The following PCDH15 variants were observed in gnomAD, a reference collection of about 807,000 sequenced individuals.
PCDH15 encodes protocadherin related 15, also known as protocadherin-15.
In PCDH15, 129 loss-of-function variants were observed where a neutral mutation model predicts 178.5. The observed-to-expected ratio is 0.72, with a 90% CI of 0.63 to 0.84. The LOEUF is 0.84. Among genes scored for constraint, PCDH15 ranks in the 40% least tolerant of loss-of-function variants. PCDH15 has a pLI of 0.00. For synonymous variants in PCDH15, 800 were observed against 732.0 expected (o/e 1.09, Z -1.50); for missense variants, 2,230 against 2,099.9 (o/e 1.06, Z -1.21).
intron 2 of PCDH15, among the ~76,000 whole-genome samples, chr10:55,346,518 G>A (rs1844758159): frequency 6.6e-6 from 1 of 152,004 alleles, no homozygotes. Context: ...ACCTCCTTTA[G>A]ATACATAAAT....
intron 3 of PCDH15, among the ~76,000 whole-genome samples, chr10:54,515,417 A>G (rs1324308864): frequency 6.6e-6 from 1 of 152,206 alleles, no homozygotes; most frequent in East Asian, 1.9e-4. Context: ...GGCGGCAGAC[A>G]GGCTGGGGGA....
intron 8 of PCDH15, among the ~76,000 whole-genome samples, chr10:54,271,277 C>G: frequency 6.6e-6 from 1 of 152,014 alleles, no homozygotes; most frequent in East Asian, 1.9e-4. Flanking sequence ...ATGGTGCGAT[C>G]TCGGCTCACT....
chr10:53,894,001 A>T (rs1589289582), intron 26 of PCDH15, among the ~76,000 whole-genome samples: 1 of 152,268 alleles, frequency 6.6e-6, no homozygotes, highest in South Asian at 2.1e-4. Context: ...ATATGGGTAA[A>T]CTTGTGTCAG....
intron 2 of PCDH15, among the ~76,000 whole-genome samples, chr10:54,601,550 G>A (rs893158543): frequency 1.9e-4 from 29 of 151,978 alleles, no homozygotes; most frequent in African/African-American, 6.8e-4. Context: ...GCATATGTTG[G>A]CCTGGTTGTG....
chr10:55,384,350 T>C (rs1162119502), intron 2 of PCDH15, among the ~76,000 whole-genome samples: 1 of 152,188 alleles, frequency 6.6e-6, no homozygotes, highest in East Asian at 1.9e-4. Flanking sequence ...TCACTTTTGT[T>C]GAATTTAATA....
At chr10:55,226,771 A>T (rs1841057649) in intron 1 of PCDH15, among the ~76,000 whole-genome samples, 1 of 152,110 alleles carries the variant, frequency 6.6e-6, no homozygotes, top group South Asian at 2.1e-4. Flanking sequence ...TAATAATTTA[A>T]AACAGAAAAT....
At chr10:54,608,974 A>T (rs560125349) in intron 2 of PCDH15, among the ~76,000 whole-genome samples, 2 of 152,216 alleles carry the variant, frequency 1.3e-5, no homozygotes, top group Admixed American at 6.6e-5. Flanking sequence ...TGTGAGCAAA[A>T]TATTATTAGA....
chr10:54,883,639 T>C (rs952559692), intron 3 of PCDH15, among the ~76,000 whole-genome samples: 1 of 151,988 alleles, frequency 6.6e-6, no homozygotes. Context: ...GTATACCATA[T>C]AGATTCCAGC....
intron 15 of PCDH15, among the ~76,000 whole-genome samples, chr10:54,104,042 C>G (rs2136182983): frequency 6.6e-6 from 1 of 152,274 alleles, no homozygotes; most frequent in East Asian, 1.9e-4. Context: ...GTTATAGATT[C>G]AGAAGCAAAC....
At chr10:55,621,185 TTA>T (rs1374701852) in intron 2 of PCDH15, among the ~76,000 whole-genome samples, 5 of 152,174 alleles carry the variant, frequency 3.3e-5, no homozygotes, top group Non-Finnish European at 7.3e-5. Flanking sequence ...AGAATTTAAC[TTA>T]TATGTTTTAG....
chr10:53,891,419 T>C (rs1352264658), intron 26 of PCDH15, among the ~76,000 whole-genome samples: 2 of 152,194 alleles, frequency 1.3e-5, no homozygotes, highest in Non-Finnish European at 2.9e-5. Flanking sequence ...CCTCCAAAAA[T>C]AGTATTCCAT....
intron 26 of PCDH15, among the ~76,000 whole-genome samples, chr10:53,888,300 A>ATGTATATG (rs1554845150): frequency 4.9e-5 from 4 of 82,020 alleles, no homozygotes; most frequent in Non-Finnish European, 6.7e-5. Context: ...ACATATATAT[A>ATGTATATG]TATATATATG....
rs1554853331 is a variant in PCDH15, at chr10:54,239,432, T to TATATAGAGAGAGAGAG, written c.877-2502_877-2501insCTCTCTCTCTCTATAT. On this transcript the variant is annotated intron_variant, in intron 8 of 37. Transcript: ENST00000644397. ...GTGATTAAATATATATATATATATA[T>TATATAGAGAGAGAGAG]AGAGTAAGAACTGAAGAACTAAAAA... Among the ~76,000 whole-genome samples the TATATAGAGAGAGAGAG allele has an allele frequency of 6.9e-3, 1,036 of 150,636 alleles. 10 individuals are homozygous for TATATAGAGAGAGAGAG. The highest frequency in any genetic ancestry group is 0.024 in the African/African-American group (974 of 41,050).
chr10:54,280,755 A>G (rs538252467), intron 8 of PCDH15, among the ~76,000 whole-genome samples: 86 of 151,776 alleles, frequency 5.7e-4, no homozygotes, highest in Middle Eastern at 6.8e-3. Context: ...TTCCTACTCA[A>G]AAGAGATCTT....
rs543783706 is a variant in PCDH15, at chr10:54,413,910, A to G, written c.158-34968T>C. On this transcript the variant is annotated intron_variant, in intron 3 of 37. Transcript: ENST00000644397. ...GAGGGTACTGGATGAGAGACTGCTT[A>G]ATGGGTACAATGTACACTATTTGGG... Among the ~76,000 whole-genome samples, 13 of 152,226 alleles carry G rather than the reference A, an allele frequency of 8.5e-5. No homozygotes were observed. The East Asian group carries it at 2.5e-3, about 30-fold the overall frequency.
At chr10:55,086,073 A>G (rs917910381) in intron 2 of PCDH15, among the ~76,000 whole-genome samples, 18 of 151,218 alleles carry the variant, frequency 1.2e-4, no homozygotes, top group African/African-American at 3.7e-4. Flanking sequence ...AATATGTATT[A>G]TTTTTATATT....
intron 2 of PCDH15, among the ~76,000 whole-genome samples, chr10:55,328,949 T>TATATATATATAA (rs1381032726): frequency 1.6e-5 from 2 of 123,314 alleles, no homozygotes; most frequent in East Asian, 2.4e-4. Context: ...TATATATATA[T>TATATATATATAA]AAAATATATA....
rs1256211837 is a variant in PCDH15, at chr10:54,664,158, A to G, written c.91+14T>C. The G allele has an allele frequency of 3.1e-6, 5 of 1,605,026 alleles. No individual in the cohort carries two copies. Among genetic ancestry groups the G allele is most frequent in the Non-Finnish European group, 1.7e-6 (2 of 1,172,806 alleles). ...CCTGGCTCGCTCTAAAGGTCAAGCT[A>G]AAAGCAACCTTACCATCATCATACT... On this transcript the variant is annotated intron_variant, in intron 2 of 37. Transcript: ENST00000644397.
chr10:55,609,058 A>C, intron 2 of PCDH15, among the ~76,000 whole-genome samples: 1 of 151,934 alleles, frequency 6.6e-6, no homozygotes, highest in South Asian at 2.1e-4. Flanking sequence ...ACACACATAT[A>C]CACACAATAT....
Sources: gnomAD v4.1 joint callset for allele counts (sites outside exome capture counted in the v4.1 genomes callset) on GRCh38, gnomAD v4.1.1 for gene constraint, MANE v1.5 for transcripts, NCBI Gene and HGNC (gene_info 2026-07-23, HGNC 2026-07-21) for gene names.